Variants in SLC22A25 observed in about 807,000 individuals in gnomAD.
SLC22A25 encodes solute carrier family 22 member 25.
SLC22A25 carries 44 observed loss-of-function variants against 45.9 expected under a neutral mutation model. The observed-to-expected ratio is 0.96, with a 90% confidence interval of 0.75 to 1.23. The LOEUF is 1.23. Among genes scored for constraint, SLC22A25 ranks in the 50% most tolerant of loss-of-function variants. The pLI is 0.00. For missense variants in SLC22A25, 800 were observed against 666.4 expected, an observed-to-expected ratio of 1.20 and a Z score of -2.21; for synonymous variants, 283 against 238.6, an observed-to-expected ratio of 1.19 and a Z score of -1.72.
chr11:63,228,992 A>G (rs2090016827), intron 4 of SLC22A25, among the ~76,000 whole-genome samples: 1 of 152,218 alleles, frequency 6.6e-6, no homozygotes, highest in Non-Finnish European at 1.5e-5. Context: ...TTTTTAACAC[A>G]TTATTCATAA....
intron 3 of SLC22A25, among the ~76,000 whole-genome samples, chr11:63,235,996 C>T (rs977463663): frequency 2.0e-5 from 3 of 152,180 alleles, no homozygotes; most frequent in Non-Finnish European, 4.4e-5. Context: ...CTGATCATTC[C>T]TCTGGGAGTT....
At chr11:63,193,287 G>A (rs2088879748) in intron 7 of SLC22A25, among the ~76,000 whole-genome samples, 2 of 152,174 alleles carry the variant, frequency 1.3e-5, no homozygotes, top group African/African-American at 4.8e-5. Flanking sequence ...GAGAGCAGTG[G>A]TCCTCCTACC....
At chr11:63,224,593 T>C (rs556953349) in intron 5 of SLC22A25, among the ~76,000 whole-genome samples, 1 of 152,276 alleles carries the variant, frequency 6.6e-6, no homozygotes, top group East Asian at 1.9e-4. Flanking sequence ...TTTTTGTGTA[T>C]CCATTGTATG....
chr11:63,178,610 T>C (rs944154610), intron 9 of SLC22A25, among the ~76,000 whole-genome samples: 2 of 152,192 alleles, frequency 1.3e-5, no homozygotes, highest in African/African-American at 2.4e-5. Flanking sequence ...GTATATCTTA[T>C]TTTAAGAAAT....
chr11:63,170,964 C>T (rs1348133838), intron 9 of SLC22A25, among the ~76,000 whole-genome samples: 1 of 152,092 alleles, frequency 6.6e-6, no homozygotes, highest in Non-Finnish European at 1.5e-5. Flanking sequence ...GCTTATCCAC[C>T]ACGATTAAGT....
At chr11:63,194,562 A>G (rs540321398) in intron 7 of SLC22A25, among the ~76,000 whole-genome samples, 1 of 152,276 alleles carries the variant, frequency 6.6e-6, no homozygotes, top group East Asian at 1.9e-4. Context: ...CTCCTCAAGG[A>G]AGCACTAAAC....
At chr11:63,228,184 G>A (rs1339369992) in intron 5 of SLC22A25, among the ~76,000 whole-genome samples, 1 of 152,206 alleles carries the variant, frequency 6.6e-6, no homozygotes, top group Non-Finnish European at 1.5e-5. Flanking sequence ...CTTCTGTTCT[G>A]TCATCTTGCT....
In SLC22A25 at chr11:63,158,507, A is replaced by C. The variant is rs2087513894; in HGVS notation, c.*5317T>G. On this transcript the variant is annotated 3_prime_UTR_variant, in exon 12 of 12. Transcript: ENST00000306494. ...GATGGATATATTTATGGGGTGTATGAGATGTTCTGATATAGGTATGCAATG... is the reference window on the plus strand; with the variant it reads ...GATGGATATATTTATGGGGTGTATGCGATGTTCTGATATAGGTATGCAATG... 2.0e-5 allele frequency among the ~76,000 whole-genome samples: 3 copies of C among 152,036 alleles called. No homozygotes were observed. Among genetic ancestry groups the C allele is most frequent in the Non-Finnish European group, 4.4e-5 (3 of 67,998 alleles).
intron 9 of SLC22A25, among the ~76,000 whole-genome samples, chr11:63,172,619 G>A (rs1022432717): frequency 1.3e-5 from 2 of 150,188 alleles, no homozygotes; most frequent in African/African-American, 4.9e-5. Flanking sequence ...AGAGGAGCTA[G>A]GTGTGGGTGT....
At chr11:63,193,009 C>T (rs190432374) in intron 7 of SLC22A25, among the ~76,000 whole-genome samples, 5 of 152,298 alleles carry the variant, frequency 3.3e-5, no homozygotes, top group Admixed American at 3.3e-4. Flanking sequence ...AAGAACTCTC[C>T]ACCCAAACCA....
intron 7 of SLC22A25, among the ~76,000 whole-genome samples, chr11:63,188,400 G>A (rs1285463161): frequency 2.0e-5 from 3 of 151,938 alleles, no homozygotes; most frequent in Non-Finnish European, 2.9e-5. Flanking sequence ...TATCCCCTTT[G>A]TCATTTTTTA....
Position 63,163,768 on chromosome 11 carries a change from A to G in SLC22A25, c.*56T>C, listed in dbSNP as rs1283771910. ...GACTACATGGGAATAGCCCAGATCTAAGCCTTTTTGGGGGATGGTAGCCCT... is the reference window on the plus strand; with the variant it reads ...GACTACATGGGAATAGCCCAGATCTGAGCCTTTTTGGGGGATGGTAGCCCT... On this transcript the variant is annotated 3_prime_UTR_variant, in exon 12 of 12. Coordinates refer to ENST00000306494, the MANE Select transcript of SLC22A25 (RefSeq NM_199352.6). 1.3e-6 allele frequency: 2 copies of G among 1,557,414 alleles called. No individual in the cohort carries two copies. Among genetic ancestry groups the G allele is most frequent in the Non-Finnish European group, 1.7e-6 (2 of 1,154,754 alleles).
In SLC22A25 at chr11:63,164,604, G is replaced by A. The variant is rs771417183; in HGVS notation, c.1316C>T (p.Thr439Ile). The stretch of plus-strand genomic sequence containing the variant: ...AAGAGAAGCAGCTCCCACACCCAGG[G>A]TTGCCAAAACCACACGCAGGGTCTG... ...EMQTLRVVLA[T>I]LGVGAASLGI... The change falls in exon 11 of 12, where the codon ACC becomes ATC. Residue 439 changes from threonine to isoleucine, a missense_variant. Physicochemically the swap from Thr to Ile is moderately conservative, Grantham distance 89. Coordinates refer to ENST00000306494, the MANE Select transcript of SLC22A25 (RefSeq NM_199352.6). 1.9e-6 allele frequency: 3 copies of A among 1,613,666 alleles called. No homozygotes were observed. Among genetic ancestry groups the A allele is most frequent in the African/African-American group, 2.7e-5 (2 of 74,894 alleles).
At chr11:63,189,869 G>A (rs1441557860) in intron 7 of SLC22A25, among the ~76,000 whole-genome samples, 2 of 152,114 alleles carry the variant, frequency 1.3e-5, no homozygotes, top group Non-Finnish European at 2.9e-5. Flanking sequence ...GTTGAATATT[G>A]GCCCCCACTC....
intron 7 of SLC22A25, among the ~76,000 whole-genome samples, chr11:63,204,307 C>T (rs1019950152): frequency 1.3e-5 from 2 of 152,064 alleles, no homozygotes; most frequent in Non-Finnish European, 2.9e-5. Context: ...CACATATAAC[C>T]ATATTAACCT....
chr11:63,190,508 G>C (rs564702200), intron 7 of SLC22A25, among the ~76,000 whole-genome samples: 1 of 150,928 alleles, frequency 6.6e-6, no homozygotes, highest in African/African-American at 2.4e-5. Context: ...TCTTTGGCTC[G>C]GAGTAGTTTG....
At chr11:63,225,409 G>C (rs550435063) in intron 5 of SLC22A25, among the ~76,000 whole-genome samples, 7 of 152,246 alleles carry the variant, frequency 4.6e-5, no homozygotes, top group African/African-American at 1.4e-4. Flanking sequence ...TAGTATTATA[G>C]GGTAAAAGTT....
At chr11:63,180,514 C>T in intron 9 of SLC22A25, 146 bp downstream of exon 9, 4 of 583,714 alleles carry the variant, frequency 6.9e-6, no homozygotes, top group Admixed American at 3.5e-5. Context: ...ACCCTTTTAC[C>T]ACTTTTAAAA....
chr11:63,218,422 G>A (rs2089774695), intron 5 of SLC22A25, among the ~76,000 whole-genome samples: 1 of 152,046 alleles, frequency 6.6e-6, no homozygotes, highest in Non-Finnish European at 1.5e-5. Flanking sequence ...CTGGGTGATG[G>A]GTTCATTCAT....
Sources: allele counts gnomAD v4.1 joint callset (sites outside exome capture counted in the v4.1 genomes callset), GRCh38; gene constraint gnomAD v4.1.1; transcripts MANE v1.5; gene names NCBI Gene and HGNC (gene_info 2026-07-23, HGNC 2026-07-21).